Variants in PTPRD observed in about 807,000 individuals in gnomAD.
The protein encoded by PTPRD is receptor-type tyrosine-protein phosphatase delta.
PTPRD carries 34 observed loss-of-function variants against 214.5 expected under a neutral mutation model. The observed-to-expected ratio is 0.16, with a 90% CI of 0.12 to 0.21. The LOEUF (loss-of-function observed/expected upper bound fraction) is 0.21, where lower values mean the gene tolerates loss of function less well. PTPRD is among the 10% of genes least tolerant of loss of function. The pLI is 1.00. For synonymous variants in PTPRD, 1,128 were observed against 845.7 expected (o/e 1.33, Z -5.79); for missense variants, 2,545 against 2,398.7 (o/e 1.06, Z -1.27).
In PTPRD at chr9:10,466,596, C is replaced by G. The variant is rs532032863; in HGVS notation, c.-599-125579G>C. On this transcript the variant is annotated intron_variant, in intron 2 of 45. Transcript: ENST00000381196. ...CAAGATTGTGCCATTGCACTCCAGC[C>G]TGGGCAACAAGAGCGAAACTCCAAC... Among the ~76,000 whole-genome samples the G allele has an allele frequency of 2.9e-3, 380 of 129,550 alleles. 2 individuals carry two copies. Among genetic ancestry groups the G allele is most frequent in the African/African-American group, 0.011 (361 of 32,432 alleles). The allele number at this position is 129,550 out of a possible 152,430, so 85.0% of individuals were successfully genotyped here.
chr9:9,307,885 C>T (rs145471645), intron 9 of PTPRD, among the ~76,000 whole-genome samples: 2 of 152,268 alleles, frequency 1.3e-5, no homozygotes, highest in East Asian at 3.9e-4. Flanking sequence ...CCTGGGAGCA[C>T]ATTCTGTTTG....
At chr9:9,519,277 C>T (rs2096908555) in intron 8 of PTPRD, among the ~76,000 whole-genome samples, 1 of 140,728 alleles carries the variant, frequency 7.1e-6, no homozygotes, top group Non-Finnish European at 1.6e-5. Flanking sequence ...GCCTCAGTGG[C>T]CATATAAAAA....
intron 8 of PTPRD, among the ~76,000 whole-genome samples, chr9:9,432,137 A>C (rs1231871523): frequency 6.6e-6 from 1 of 151,218 alleles, no homozygotes; most frequent in Non-Finnish European, 1.5e-5. Flanking sequence ...TATATCATGC[A>C]TTGTGTGAGA....
At chr9:9,023,076 T>C (rs2099575194) in intron 10 of PTPRD, among the ~76,000 whole-genome samples, 1 of 152,160 alleles carries the variant, frequency 6.6e-6, no homozygotes, top group South Asian at 2.1e-4. Flanking sequence ...TTTTGTAAAG[T>C]GGAACCTATA....
At chr9:9,676,846 T>G (rs891802529) in intron 7 of PTPRD, among the ~76,000 whole-genome samples, 6 of 152,172 alleles carry the variant, frequency 3.9e-5, no homozygotes, top group African/African-American at 2.4e-5. Flanking sequence ...TATCTCATTG[T>G]GGTTTTGATT....
chr9:8,726,998 AAGT>A (rs1167423961), intron 12 of PTPRD, among the ~76,000 whole-genome samples: 1 of 151,862 alleles, frequency 6.6e-6, no homozygotes, highest in Non-Finnish European at 1.5e-5. Flanking sequence ...AAAGAAAAAG[AAGT>A]AGATCAGGTA....
At chr9:9,599,167 T>A (rs183556174) in intron 7 of PTPRD, among the ~76,000 whole-genome samples, 181 of 152,084 alleles carry the variant, frequency 1.2e-3, no homozygotes, top group African/African-American at 4.3e-3. Flanking sequence ...CAATAAAAGG[T>A]GACATTATAT....
chr9:10,478,707 T>A (rs2099078314), intron 2 of PTPRD, among the ~76,000 whole-genome samples: 1 of 151,606 alleles, frequency 6.6e-6, no homozygotes, highest in Non-Finnish European at 1.5e-5. Context: ...AATTACAGAG[T>A]TACTATATTC....
At chr9:10,075,196 A>G (rs2154183574) in intron 3 of PTPRD, among the ~76,000 whole-genome samples, 1 of 152,216 alleles carries the variant, frequency 6.6e-6, no homozygotes, top group Non-Finnish European at 1.5e-5. Flanking sequence ...GCAATAACCT[A>G]CATTCATTTT....
intron 2 of PTPRD, among the ~76,000 whole-genome samples, chr9:10,389,174 A>T (rs991939452): frequency 6.6e-6 from 1 of 151,840 alleles, no homozygotes; most frequent in African/African-American, 2.4e-5. Flanking sequence ...GAGGCTGCAA[A>T]CCCTATTAAA....
At chr9:8,640,039 T>C (rs1309303810) in intron 12 of PTPRD, among the ~76,000 whole-genome samples, 2 of 152,088 alleles carry the variant, frequency 1.3e-5, no homozygotes, top group Non-Finnish European at 2.9e-5. Context: ...CAGTCAGTCC[T>C]CCCACCTTAG....
intron 11 of PTPRD, among the ~76,000 whole-genome samples, chr9:8,739,880 C>T (rs1206921366): frequency 1.3e-5 from 2 of 152,030 alleles, no homozygotes; most frequent in African/African-American, 2.4e-5. Context: ...GGGGAGTTTC[C>T]GGGCACAAGC....
intron 9 of PTPRD, among the ~76,000 whole-genome samples, chr9:9,221,250 A>G (rs2099955788): frequency 6.6e-6 from 1 of 152,116 alleles, no homozygotes; most frequent in Non-Finnish European, 1.5e-5. Flanking sequence ...TGCTCAGCCA[A>G]TCAATGATGA....
intron 23 of PTPRD, among the ~76,000 whole-genome samples, chr9:8,502,055 GTT>G (rs1347227264): frequency 6.6e-6 from 1 of 151,936 alleles, no homozygotes; most frequent in African/African-American, 2.4e-5. Flanking sequence ...ACAATGTAGG[GTT>G]TATATTAGAA....
At chr9:8,852,092 A>C (rs1468674234) in intron 11 of PTPRD, among the ~76,000 whole-genome samples, 1 of 152,188 alleles carries the variant, frequency 6.6e-6, no homozygotes. Flanking sequence ...GTTACTTGTG[A>C]TCCAATCATT....
intron 8 of PTPRD, among the ~76,000 whole-genome samples, chr9:9,479,273 T>C (rs1327554183): frequency 8.0e-6 from 1 of 124,854 alleles, no homozygotes; most frequent in Non-Finnish European, 1.6e-5. Flanking sequence ...AAAACATTTC[T>C]AGTGTGTTTC....
chr9:8,869,676 A>G lies in PTPRD; in HGVS notation c.-103-135730T>C, dbSNP rs145598404. ...GAGCAGATTCTGGCATTTCCTAAGA[A>G]GCTAGCGGCCTTTTTCCAGGATTTG... is the stretch of plus-strand genomic sequence containing the variant. On this transcript the variant is annotated intron_variant, in intron 11 of 45. Coordinates refer to ENST00000381196, the MANE Select transcript of PTPRD (RefSeq NM_002839.4). 1.3e-3 allele frequency among the ~76,000 whole-genome samples: 202 copies of G among 151,964 alleles called. 2 individuals carry two copies. Among genetic ancestry groups the G allele is most frequent in the African/African-American group, 4.5e-3 (188 of 41,440 alleles).
intron 10 of PTPRD, among the ~76,000 whole-genome samples, chr9:9,127,033 C>T (rs2099835024): frequency 6.6e-6 from 1 of 150,978 alleles, no homozygotes; most frequent in South Asian, 2.1e-4. Context: ...CAGGCTGGGA[C>T]CATGTACACA....
intron 10 of PTPRD, among the ~76,000 whole-genome samples, chr9:9,022,822 A>T (rs1316277601): frequency 6.6e-6 from 1 of 152,192 alleles, no homozygotes; most frequent in African/African-American, 2.4e-5. Context: ...GAATATTCAA[A>T]AATGGTTGCT....
Sources: gnomAD v4.1 joint callset for allele counts (sites outside exome capture counted in the v4.1 genomes callset) on GRCh38, gnomAD v4.1.1 for gene constraint, MANE v1.5 for transcripts, NCBI Gene and HGNC (gene_info 2026-07-23, HGNC 2026-07-21) for gene names.